Variants in ADGRG3 observed in about 807,000 individuals in gnomAD.
ADGRG3 encodes the protein G protein-coupled receptor 97.
A neutral mutation model predicts 54.3 loss-of-function variants in ADGRG3; 39 were observed. The ratio of observed to expected loss-of-function variants is 0.72; its 90% CI spans 0.56 to 0.94. ADGRG3 has a LOEUF of 0.94. ADGRG3 is among the 40% of genes least tolerant of loss of function. ADGRG3 has a pLI of 0.00. For synonymous variants in ADGRG3, 312 were observed against 290.0 expected (o/e 1.08, Z -0.77); for missense variants, 654 against 694.6 (o/e 0.94, Z 0.66).
intron 8 of ADGRG3, chr16:57,682,445 C>T (rs2048391105): frequency 1.0e-6 from 1 of 979,926 alleles, no homozygotes; most frequent in South Asian, 4.7e-5. Flanking sequence ...ACAGACCAAC[C>T]CATGAGTGTA....
chr16:57,668,058 G>T, upstream of ADGRG3: 1 of 532,398 alleles, frequency 1.9e-6, no homozygotes, highest in Non-Finnish European at 3.4e-6. Context: ...CCAGCCCCTA[G>T]CCCCGTAGAT....
intron 1 of ADGRG3, among the ~76,000 whole-genome samples, chr16:57,670,321 T>C (rs1282326344): frequency 6.6e-6 from 1 of 152,244 alleles, no homozygotes; most frequent in Non-Finnish European, 1.5e-5. Flanking sequence ...AGATATTTAA[T>C]GATCCTGTCT....
At chr16:57,666,025 T>C (rs2048049791), upstream of ADGRG3, among the ~76,000 whole-genome samples, 1 of 151,314 alleles carries the variant, frequency 6.6e-6, no homozygotes, top group Non-Finnish European at 1.5e-5. Context: ...GCTCCTCTTA[T>C]GCCCCCAGCT....
intron 1 of ADGRG3, among the ~76,000 whole-genome samples, 195 bp downstream of exon 1, chr16:57,668,600 C>G (rs1265214935): frequency 2.0e-5 from 3 of 152,224 alleles, no homozygotes; most frequent in African/African-American, 2.4e-5. Flanking sequence ...TGTCCTTCCA[C>G]TAAACCTTGC....
chr16:57,687,671 C>T, intron 11 of ADGRG3, among the ~76,000 whole-genome samples: 1 of 152,190 alleles, frequency 6.6e-6, no homozygotes, highest in East Asian at 1.9e-4. Context: ...AGGCTGTCTC[C>T]AGGTGGAGAA....
upstream of ADGRG3, among the ~76,000 whole-genome samples, chr16:57,666,716 G>A (rs1047474801): frequency 2.6e-5 from 4 of 152,154 alleles, no homozygotes; most frequent in Non-Finnish European, 5.9e-5. Flanking sequence ...TTTCAGGGAA[G>A]GGGCCTTAGG....
intron 2 of ADGRG3, 45 bp downstream of exon 2, chr16:57,673,513 G>T: frequency 6.4e-7 from 1 of 1,568,168 alleles, no homozygotes; most frequent in South Asian, 1.1e-5. Context: ...AAGCTGCTGG[G>T]AGGAGGACTA....
In ADGRG3 at chr16:57,685,673, C is replaced by G; in HGVS notation, c.1287C>G (p.Tyr429Ter). The change falls in exon 11 of 12, where the codon TAC becomes TAG. Residue 429 changes from tyrosine to a stop codon, truncating the protein, a stop_gained. Transcript: ENST00000333493. LOFTEE classifies it high-confidence loss of function. ...LCWFREGTTM[Y>*]ALYITVHGYF... The stretch of plus-strand genomic sequence containing the variant: ...GGTTCCGTGAAGGGACAACCATGTA[C>G]GCCCTCTATATCACCGTCCACGGCT... 6.2e-7 allele frequency: 1 copy of G among 1,614,206 alleles called. No homozygotes were observed. Among genetic ancestry groups the G allele is most frequent in the Non-Finnish European group, 8.5e-7 (1 of 1,180,020 alleles).
intron 11 of ADGRG3, among the ~76,000 whole-genome samples, chr16:57,687,205 C>A (rs2048488656): frequency 6.6e-6 from 1 of 152,136 alleles, no homozygotes; most frequent in South Asian, 2.1e-4. Flanking sequence ...TCCTTCCGTC[C>A]TCATTCATCG....
At chr16:57,682,677 C>T in intron 8 of ADGRG3, 1 of 975,860 alleles carries the variant, frequency 1.0e-6, no homozygotes, top group Non-Finnish European at 1.2e-6. Flanking sequence ...CGGCTCCCCT[C>T]CCTCGGCTGA....
At chr16:57,672,154 T>C (rs1407092609) in intron 1 of ADGRG3, among the ~76,000 whole-genome samples, 1 of 152,010 alleles carries the variant, frequency 6.6e-6, no homozygotes, top group Non-Finnish European at 1.5e-5. Context: ...CACTCCAGCC[T>C]GGGTGACAGA....
chr16:57,674,328 T>C (rs74022024), intron 2 of ADGRG3, among the ~76,000 whole-genome samples: 5,362 of 152,050 alleles, frequency 0.035, 299 homozygotes, highest in African/African-American at 0.12. Flanking sequence ...GTGAGGGAAA[T>C]GAAGGGGTTT....
intron 2 of ADGRG3, among the ~76,000 whole-genome samples, chr16:57,675,438 A>C (rs1472391381): frequency 6.6e-6 from 1 of 152,212 alleles, no homozygotes; most frequent in Non-Finnish European, 1.5e-5. Context: ...CAGTCTGACC[A>C]ACATGGTGAA....
intron 1 of ADGRG3, 42 bp downstream of exon 1, chr16:57,668,447 G>T (rs72793589): frequency 0.1 from 154,277 of 1,513,042 alleles, 8,272 homozygotes; most frequent in South Asian, 0.14. Flanking sequence ...ACGCTGGGCC[G>T]ACCCTGCCCT....
chr16:57,682,637 A>G (rs1309412051), intron 8 of ADGRG3: 2 of 985,354 alleles, frequency 2.0e-6, no homozygotes, highest in African/African-American at 1.7e-5. Flanking sequence ...TGAGGTGGAC[A>G]TGATCCCAGA....
At chr16:57,677,167 T>C (rs730733) in intron 3 of ADGRG3, among the ~76,000 whole-genome samples, 3,759 of 152,274 alleles carry the variant, frequency 0.025, 133 homozygotes, top group African/African-American at 0.084. Context: ...AAGGAGAAAG[T>C]TGGGGCCTTC....
At chr16:57,678,850 A>G (rs2048311733) in intron 4 of ADGRG3, 3 of 404,920 alleles carry the variant, frequency 7.4e-6, no homozygotes, top group Non-Finnish European at 1.4e-5. Flanking sequence ...GGGGCACGCT[A>G]TCCTCCCCGC....
intron 4 of ADGRG3, 51 bp downstream of exon 4, chr16:57,678,367 C>T (rs757243560): frequency 6.3e-7 from 1 of 1,581,680 alleles, no homozygotes; most frequent in Non-Finnish European, 8.7e-7. Context: ...TCTGGGGGCT[C>T]CATGCCACAG....
upstream of ADGRG3, among the ~76,000 whole-genome samples, chr16:57,667,605 G>A (rs935174117): frequency 6.6e-6 from 1 of 152,250 alleles, no homozygotes; most frequent in Admixed American, 6.5e-5. Flanking sequence ...GACAGTGCAT[G>A]CAAGGTCACC....
Sources: allele counts gnomAD v4.1 joint callset (sites outside exome capture counted in the v4.1 genomes callset), GRCh38; gene constraint gnomAD v4.1.1; transcripts MANE v1.5; gene names NCBI Gene and HGNC (gene_info 2026-07-23, HGNC 2026-07-21).